The following GRIN2B variants were observed in gnomAD, a reference collection of about 807,000 sequenced individuals.
GRIN2B encodes glutamate receptor ionotropic, NMDA 2B.
A neutral mutation model predicts 114.5 loss-of-function variants in GRIN2B; 5 were observed. The ratio of observed to expected loss-of-function variants is 0.04; its 90% confidence interval spans 0.02 to 0.09. GRIN2B has a LOEUF of 0.09. Ranked by LOEUF, GRIN2B falls within the 10% of genes least tolerant of loss-of-function variation. The pLI is 1.00. For synonymous variants in GRIN2B, 787 were observed against 745.1 expected, an observed-to-expected ratio of 1.06 and a Z score of -0.92; for missense variants, 1,108 against 1,943.5, an observed-to-expected ratio of 0.57 and a Z score of 8.08.
rs146235271 is a variant in GRIN2B at position 13,562,951 on chromosome 12, C to G, written c.4287G>C (p.Pro1429=). 4 of 1,614,096 alleles carry G rather than the reference C, an allele frequency of 2.5e-6. No homozygotes were observed. In the African/African-American group the frequency reaches 5.3e-5, roughly 22 times the overall value. ...CGGCCCCATGAAGGGCCGAGACCAC[C>G]GGCTTGTTGGTGACAAGGGCCCGGA... The part of the protein sequence containing the change: ...PDFRALVTNK[P]VVSALHGAVP... Residue 1429 remains proline (P), a synonymous_variant, in exon 14 of 14, where the codon CCG becomes CCC. Transcript: ENST00000609686.
At chr12:13,959,347 G>T (rs550305552) in intron 2 of GRIN2B, among the ~76,000 whole-genome samples, 1 of 152,320 alleles carries the variant, frequency 6.6e-6, no homozygotes, top group African/African-American at 2.4e-5. Context: ...GGTGGGGCCC[G>T]CAGGGAGAGG....
intron 5 of GRIN2B, among the ~76,000 whole-genome samples, chr12:13,662,751 G>A (rs1251850817): frequency 6.6e-6 from 1 of 152,120 alleles, no homozygotes; most frequent in Non-Finnish European, 1.5e-5. Context: ...ACTACATGAA[G>A]ATATCAGGTA....
chr12:13,615,360 T>G lies in GRIN2B; in HGVS notation c.1501-93A>C. On this transcript the variant is annotated intron_variant, in intron 7 of 13. Coordinates refer to ENST00000609686, the MANE Select transcript of GRIN2B (RefSeq NM_000834.5). The surrounding 1 kb of genome is among the most constrained non-coding windows in gnomAD (Gnocchi z 5.8). The stretch of plus-strand genomic sequence containing the variant: ...CAGCCTATCAGTGGTTTTCTTTGTA[T>G]AGTGGGAACAATACATCTTATTTGC... The G allele has an allele frequency of 6.9e-7, 1 of 1,444,678 alleles. No homozygotes were observed. The highest frequency in any genetic ancestry group is 1.1e-5 in the South Asian group (1 of 87,490). The allele number at this position is 1,444,678 out of a possible 1,614,324, so 89.5% of individuals were successfully genotyped here.
intron 10 of GRIN2B, among the ~76,000 whole-genome samples, chr12:13,590,518 C>T (rs560021027): frequency 6.6e-6 from 1 of 152,178 alleles, no homozygotes; most frequent in South Asian, 2.1e-4. Flanking sequence ...GTTAGTTTCT[C>T]ACTAGTTTGT....
rs139872092 is a variant in GRIN2B, at chr12:13,771,986, C to T, written c.412-18071G>A. The stretch of plus-strand genomic sequence containing the variant: ...TGGTGTGGGTCCCACTGATTTTTCC[C>T]ATGACTTTAGGTCATTCACTCAGCT... On this transcript the variant is annotated intron_variant, in intron 3 of 13. Coordinates refer to ENST00000609686, the MANE Select transcript of GRIN2B (RefSeq NM_000834.5). Among the ~76,000 whole-genome samples the T allele has an allele frequency of 3.9e-4, 59 of 152,366 alleles. 1 individual carries two copies. The East Asian group carries it at 0.011, about 28-fold the overall frequency.
intron 5 of GRIN2B, among the ~76,000 whole-genome samples, chr12:13,617,832 TG>T (rs1303838255): frequency 6.6e-6 from 1 of 152,226 alleles, no homozygotes. Flanking sequence ...CAAATCGGCT[TG>T]GATTTCCATA....
intron 5 of GRIN2B, among the ~76,000 whole-genome samples, chr12:13,650,192 G>A (rs1949800377): frequency 6.6e-6 from 1 of 151,962 alleles, no homozygotes; most frequent in Non-Finnish European, 1.5e-5. Flanking sequence ...GCCAACCTTG[G>A]TCTTTCACTC....
intron 2 of GRIN2B, among the ~76,000 whole-genome samples, chr12:13,874,755 G>T (rs1317132684): frequency 6.6e-6 from 1 of 152,168 alleles, no homozygotes; most frequent in Non-Finnish European, 1.5e-5. Context: ...GACGGGCAGT[G>T]AAAATGAGCA....
At chr12:13,634,308 A>G (rs998256662) in intron 5 of GRIN2B, 2 of 152,236 alleles carry the variant, frequency 1.3e-5, no homozygotes, top group African/African-American at 4.8e-5. Flanking sequence ...CAGTGTATTA[A>G]CTATGGTAGG....
At chr12:13,793,003 A>G (rs1367749101) in intron 3 of GRIN2B, among the ~76,000 whole-genome samples, 1 of 152,242 alleles carries the variant, frequency 6.6e-6, no homozygotes, top group Non-Finnish European at 1.5e-5. Context: ...ATACAATCAC[A>G]AAGTGGTGCA....
At chr12:13,857,875 C>T (rs77060042) in intron 3 of GRIN2B, among the ~76,000 whole-genome samples, 6,672 of 152,250 alleles carry the variant, frequency 0.044, 204 homozygotes, top group Admixed American at 0.07. Context: ...ACTTCTTCTT[C>T]CTTCGTTAAG....
intron 3 of GRIN2B, among the ~76,000 whole-genome samples, chr12:13,835,693 A>G (rs1434642796): frequency 6.6e-6 from 1 of 151,226 alleles, no homozygotes; most frequent in Non-Finnish European, 1.5e-5. Context: ...AGGTACTTAA[A>G]TTAGCATTCT....
At chr12:13,794,458 C>T (rs944060303) in intron 3 of GRIN2B, among the ~76,000 whole-genome samples, 2 of 152,214 alleles carry the variant, frequency 1.3e-5, no homozygotes, top group African/African-American at 4.8e-5. Flanking sequence ...CCAGAACACA[C>T]TATCATGCCT....
intron 10 of GRIN2B, among the ~76,000 whole-genome samples, chr12:13,575,358 C>T (rs1035296852): frequency 6.6e-6 from 1 of 152,024 alleles, no homozygotes; most frequent in Admixed American, 6.6e-5. Flanking sequence ...TTAAGGCATC[C>T]TTCAAATGAA....
At chr12:13,717,112 A>G (rs1413422151) in intron 4 of GRIN2B, among the ~76,000 whole-genome samples, 1 of 135,632 alleles carries the variant, frequency 7.4e-6, no homozygotes, top group Non-Finnish European at 1.7e-5. Flanking sequence ...TATTCACTCA[A>G]TCATTACAGA....
At chr12:13,797,221 T>C (rs1338563046) in intron 3 of GRIN2B, among the ~76,000 whole-genome samples, 2 of 152,108 alleles carry the variant, frequency 1.3e-5, no homozygotes, top group Admixed American at 6.5e-5. Context: ...CTTCCTCACA[T>C]GATGGAAGGG....
At chr12:13,848,853 C>G (rs1037384847) in intron 3 of GRIN2B, among the ~76,000 whole-genome samples, 29 of 152,160 alleles carry the variant, frequency 1.9e-4, no homozygotes, top group Non-Finnish European at 1.3e-4. Flanking sequence ...GTGTCCTTAT[C>G]CCCCTCTCTG....
chr12:13,582,858 T>A (rs1948871131), intron 10 of GRIN2B, among the ~76,000 whole-genome samples: 1 of 152,180 alleles, frequency 6.6e-6, no homozygotes, highest in Non-Finnish European at 1.5e-5. Context: ...TTTAGTTAAT[T>A]ACCAGTTTTC....
chr12:13,787,123 C>T (rs1565537115), intron 3 of GRIN2B, among the ~76,000 whole-genome samples: 1 of 152,172 alleles, frequency 6.6e-6, no homozygotes, highest in African/African-American at 2.4e-5. Flanking sequence ...ATAGGCATAA[C>T]TGTTAACTAG....
Sources: gnomAD v4.1 joint callset for allele counts (sites outside exome capture counted in the v4.1 genomes callset) on GRCh38, gnomAD v4.1.1 for gene constraint, Gnocchi (gnomAD v3.1) non-coding constraint, MANE v1.5 for transcripts, NCBI Gene and HGNC (gene_info 2026-07-23, HGNC 2026-07-21) for gene names.